KIAA0825: variants seen among roughly 807,000 people sequenced by gnomAD.
The protein encoded by KIAA0825 is KIAA0825.
Under a neutral mutation model 147.6 loss-of-function variants are expected in KIAA0825, and 119 were observed. The ratio of observed to expected loss-of-function variants is 0.81; its 90% CI spans 0.69 to 0.94. The LOEUF is 0.94. Among genes scored for constraint, KIAA0825 ranks in the 40% least tolerant of loss-of-function variants. The pLI, the probability that KIAA0825 is intolerant of heterozygous loss-of-function variation, is 0.00. For synonymous variants in KIAA0825, 470 were observed against 518.1 expected (o/e 0.91, Z 1.26); for missense variants, 1,381 against 1,472.7 (o/e 0.94, Z 1.02).
chr5:94,485,786 C>A (rs182427318), intron 5 of KIAA0825, among the ~76,000 whole-genome samples: 1 of 151,576 alleles, frequency 6.6e-6, no homozygotes, highest in Non-Finnish European at 1.5e-5. Context: ...AAGATACACT[C>A]TTTAAGACCT....
At position 94,598,475 on chromosome 5, in the gene KIAA0825, T is replaced by G. The variant is rs77780751; in HGVS notation, c.-152-15892A>C. Reference sequence around the variant, plus strand: ...TTTCTGGAATATTACCTGAAGGACTTGCTTGAAGCTGTTTTACAGGGAAGC... The same window carrying G: ...TTTCTGGAATATTACCTGAAGGACTGGCTTGAAGCTGTTTTACAGGGAAGC... On this transcript the variant is annotated intron_variant, in intron 1 of 20. Coordinates refer to ENST00000682413, the MANE Select transcript of KIAA0825 (RefSeq NM_001145678.3). Among the ~76,000 whole-genome samples the G allele has an allele frequency of 1.7e-4, 26 of 152,232 alleles. No homozygotes were observed. In the East Asian group the frequency reaches 5.0e-3, roughly 29 times the overall value.
chr5:94,596,718 T>C (rs1030312439), intron 1 of KIAA0825, among the ~76,000 whole-genome samples: 5 of 152,166 alleles, frequency 3.3e-5, no homozygotes, highest in Non-Finnish European at 7.3e-5. Context: ...GCGTGGAATG[T>C]TTTTCCATTT....
chr5:94,396,027 A>G, intron 17 of KIAA0825, 74 bp downstream of exon 17: 1 of 1,326,414 alleles, frequency 7.5e-7, no homozygotes, highest in Non-Finnish European at 9.9e-7. Flanking sequence ...CTGACAATAT[A>G]TTGTCATTTA....
chr5:94,614,226 T>G (rs922805186), intron 1 of KIAA0825, among the ~76,000 whole-genome samples: 1 of 152,318 alleles, frequency 6.6e-6, no homozygotes, highest in East Asian at 1.9e-4. Flanking sequence ...CATTTTTATT[T>G]TAAAAGCACA....
At chr5:94,536,541 G>A (rs1348136412) in intron 3 of KIAA0825, among the ~76,000 whole-genome samples, 1 of 152,170 alleles carries the variant, frequency 6.6e-6, no homozygotes, top group Non-Finnish European at 1.5e-5. Flanking sequence ...TTTGGGATAG[G>A]TGATGACTAA....
chr5:94,615,227 T>A (rs753426645), intron 1 of KIAA0825, among the ~76,000 whole-genome samples: 2 of 152,226 alleles, frequency 1.3e-5, no homozygotes, highest in African/African-American at 4.8e-5. Flanking sequence ...AGAACTGCTA[T>A]ATTCAGATAA....
intron 3 of KIAA0825, among the ~76,000 whole-genome samples, chr5:94,532,128 G>C (rs2151300871): frequency 6.6e-6 from 1 of 152,280 alleles, no homozygotes; most frequent in Non-Finnish European, 1.5e-5. Context: ...TCTAGGTGAA[G>C]TCAAACAGTA....
chr5:94,332,966 C>T (rs255176), intron 20 of KIAA0825, among the ~76,000 whole-genome samples: 8,882 of 152,232 alleles, frequency 0.058, 347 homozygotes, highest in South Asian at 0.097. Flanking sequence ...TTGCATTTCT[C>T]TAATGACCAG....
intron 20 of KIAA0825, among the ~76,000 whole-genome samples, chr5:94,253,580 TC>T (rs1418607349): frequency 6.6e-6 from 1 of 152,152 alleles, no homozygotes; most frequent in Admixed American, 6.6e-5. Flanking sequence ...GGCCATTCAT[TC>T]TACTTGAAAT....
At chr5:94,519,533 G>A in intron 5 of KIAA0825, 1 of 652,246 alleles carries the variant, frequency 1.5e-6, no homozygotes, top group Non-Finnish European at 1.9e-6. Context: ...GAATAAAATA[G>A]AAATTTTCAA....
intron 1 of KIAA0825, among the ~76,000 whole-genome samples, chr5:94,591,956 C>T (rs1352139631): frequency 6.6e-6 from 1 of 152,116 alleles, no homozygotes; most frequent in Non-Finnish European, 1.5e-5. Flanking sequence ...GACCCACCCC[C>T]TTGATTCCAT....
chr5:94,179,692 A>C (rs1265948044), intron 20 of KIAA0825, among the ~76,000 whole-genome samples: 1 of 152,114 alleles, frequency 6.6e-6, no homozygotes, highest in Non-Finnish European at 1.5e-5. Flanking sequence ...GGAGCATCTG[A>C]AAGTAAGGAA....
rs1399964970 is a variant in KIAA0825 at position 94,352,860 on chromosome 5, G to T, written c.3710+31508C>A. ...AAACATGGTATGTTCTCCCTGATAT[G>T]TGGGAGCTAAGCTATGAGGATGCGA... On this transcript the variant is annotated intron_variant, in intron 20 of 20. Coordinates refer to ENST00000682413, the MANE Select transcript of KIAA0825 (RefSeq NM_001145678.3). Among the ~76,000 whole-genome samples the T allele has an allele frequency of 5.3e-5, 8 of 152,044 alleles. 1 individual carries two copies. The highest frequency in any genetic ancestry group is 1.0e-4 in the Non-Finnish European group (7 of 68,022).
intron 20 of KIAA0825, among the ~76,000 whole-genome samples, chr5:94,319,906 T>C (rs918180965): frequency 6.6e-6 from 1 of 151,928 alleles, no homozygotes; most frequent in Non-Finnish European, 1.5e-5. Flanking sequence ...GTTACCTCTC[T>C]GACCTCCTCT....
At chr5:94,469,709 C>T (rs1760984937) in intron 10 of KIAA0825, among the ~76,000 whole-genome samples, 1 of 152,154 alleles carries the variant, frequency 6.6e-6, no homozygotes, top group African/African-American at 2.4e-5. Context: ...TCCAACTATG[C>T]TGCACTACAA....
At chr5:94,537,433 C>T (rs577408837) in intron 2 of KIAA0825, among the ~76,000 whole-genome samples, 73 of 152,006 alleles carry the variant, frequency 4.8e-4, no homozygotes, top group African/African-American at 1.2e-3. Context: ...GGGTGGATCA[C>T]GAGGTCAGGA....
chr5:94,390,331 T>C (rs29915), intron 18 of KIAA0825, among the ~76,000 whole-genome samples: 20,082 of 152,210 alleles, frequency 0.13, 1,421 homozygotes, highest in South Asian at 0.18. Context: ...TCAGTAGTTG[T>C]CACAATTACT....
intron 3 of KIAA0825, among the ~76,000 whole-genome samples, chr5:94,529,189 T>A (rs1770013885): frequency 6.8e-6 from 1 of 147,358 alleles, no homozygotes; most frequent in South Asian, 2.1e-4. Context: ...ATATATTATA[T>A]ATATGAAGTA....
Position 94,228,921 on chromosome 5 carries a change from A to G in KIAA0825, c.3711-74797T>C, listed in dbSNP as rs547552082. Among the ~76,000 whole-genome samples, 7 of 152,338 alleles carry G rather than the reference A, an allele frequency of 4.6e-5. No homozygotes were observed. The South Asian group carries it at 1.5e-3, about 32-fold the overall frequency. On this transcript the variant is annotated intron_variant, in intron 20 of 20. Transcript: ENST00000682413. ...AGGAGAGTATTAAAGGCTTGAGGCCACTGGCCTGGGACTCTGACCATTCCA... is the reference window on the plus strand; with the variant it reads ...AGGAGAGTATTAAAGGCTTGAGGCCGCTGGCCTGGGACTCTGACCATTCCA...
Sources: gnomAD v4.1 joint callset for allele counts (sites outside exome capture counted in the v4.1 genomes callset) on GRCh38, gnomAD v4.1.1 for gene constraint, MANE v1.5 for transcripts, NCBI Gene and HGNC (gene_info 2026-07-23, HGNC 2026-07-21) for gene names.